Variants in EXOC1 observed in about 807,000 individuals in gnomAD.
EXOC1 encodes SEC3-like 1.
EXOC1 carries 67 observed loss-of-function variants against 107.7 expected under a neutral mutation model. The ratio of observed to expected loss-of-function variants is 0.62; its 90% CI spans 0.51 to 0.76. The LOEUF (loss-of-function observed/expected upper bound fraction) is 0.76, where lower values mean the gene tolerates loss of function less well. Ranked by LOEUF, EXOC1 falls within the 30% of genes least tolerant of loss-of-function variation. The probability of loss-of-function intolerance (pLI) is 0.00; values close to 1 mark genes in which losing one functional copy is unlikely to be tolerated. For synonymous variants in EXOC1, 348 were observed against 353.5 expected (o/e 0.98, Z 0.17); for missense variants, 833 against 1,055.7 (o/e 0.79, Z 2.92).
chr4:55,892,387 G>A (rs1173225502), intron 13 of EXOC1, among the ~76,000 whole-genome samples: 2 of 151,860 alleles, frequency 1.3e-5, no homozygotes, highest in East Asian at 3.9e-4. Context: ...TTCCCCTCAG[G>A]TGCACACACA....
chr4:55,877,509 A>G (rs1342050124), intron 8 of EXOC1: 1 of 984,868 alleles, frequency 1.0e-6, no homozygotes, highest in Admixed American at 6.1e-5. Flanking sequence ...TAATGGGAAT[A>G]CCATAAATGT....
At chr4:55,885,607 G>A (rs1236079348) in intron 10 of EXOC1, 1 of 152,126 alleles carries the variant, frequency 6.6e-6, no homozygotes, top group Non-Finnish European at 1.5e-5. Context: ...GCTCACTTTA[G>A]CAGCACATAT....
intron 15 of EXOC1, among the ~76,000 whole-genome samples, chr4:55,895,177 C>T (rs1725059952): frequency 6.6e-6 from 1 of 152,152 alleles, no homozygotes; most frequent in African/African-American, 2.4e-5. Flanking sequence ...TCTTATCTCT[C>T]ATTTATGAAC....
At chr4:55,881,312 C>T (rs968910202) in intron 9 of EXOC1, among the ~76,000 whole-genome samples, 1 of 152,136 alleles carries the variant, frequency 6.6e-6, no homozygotes, top group Non-Finnish European at 1.5e-5. Flanking sequence ...CTCCTAATAG[C>T]CTCCTGAGAT....
Position 55,888,909 on chromosome 4 carries a change from G to A in EXOC1, c.1352G>A (p.Ser451Asn), listed in dbSNP as rs914370302. 7 of 1,613,554 alleles carry A rather than the reference G, an allele frequency of 4.3e-6. No individual in the cohort carries two copies. In the African/African-American group the frequency reaches 9.3e-5, roughly 22 times the overall value. ...ACAGCTACACTGCCTCGAAAAGAAA[G>A]TGCTGTCAAACAGGAAACAGAGAGT... ...KKFATLPRKE[S>N]AVKQETESLH... The change falls in exon 11 of 19, where the codon AGT becomes AAT. Residue 451 changes from serine to asparagine, a missense_variant. Coordinates refer to ENST00000381295, the MANE Select transcript of EXOC1 (RefSeq NM_001024924.2).
chr4:55,892,792 A>G (rs1302877358), intron 14 of EXOC1, 81 bp downstream of exon 14: 23 of 1,353,646 alleles, frequency 1.7e-5, no homozygotes, highest in Non-Finnish European at 2.3e-5. Flanking sequence ...AGGGGTCTAG[A>G]TGTTTCTCAG....
intron 3 of EXOC1, 60 bp from the exon 4 acceptor site, chr4:55,864,167 A>T: frequency 8.7e-7 from 1 of 1,152,846 alleles, no homozygotes; most frequent in Non-Finnish European, 1.2e-6. Flanking sequence ...TGCAGATTTT[A>T]CATTAACAAT....
chr4:55,888,821 G>A, intron 10 of EXOC1, 67 bp from the exon 11 acceptor site: 3 of 1,519,426 alleles, frequency 2.0e-6, no homozygotes, highest in Non-Finnish European at 2.7e-6. Flanking sequence ...TCTTGTGCAT[G>A]GTTTGTGCAA....
intron 10 of EXOC1, among the ~76,000 whole-genome samples, chr4:55,884,582 T>C (rs1723695814): frequency 6.6e-6 from 1 of 152,210 alleles, no homozygotes; most frequent in Non-Finnish European, 1.5e-5. Context: ...TATCAAGTTA[T>C]GAGGAAGGTG....
intron 8 of EXOC1, chr4:55,875,534 G>A (rs2110343750): frequency 1.0e-6 from 1 of 978,354 alleles, no homozygotes; most frequent in East Asian, 1.1e-4. Context: ...TCAAAATCCT[G>A]ACTCTCCTAC....
intron 8 of EXOC1, chr4:55,875,551 G>T (rs1459396460): frequency 1.0e-6 from 1 of 981,830 alleles, no homozygotes; most frequent in African/African-American, 1.8e-5. Flanking sequence ...CTACCTCCTA[G>T]CTGGGTTACC....
chr4:55,860,232 C>A (rs998757533), intron 2 of EXOC1, among the ~76,000 whole-genome samples, 179 bp from the exon 3 acceptor site: 6 of 152,152 alleles, frequency 3.9e-5, no homozygotes, highest in African/African-American at 1.4e-4. Flanking sequence ...ATCTTCTAGT[C>A]TGACTTAGAT....
At chr4:55,875,550 A>G (rs1722818774) in intron 8 of EXOC1, 1 of 981,272 alleles carries the variant, frequency 1.0e-6, no homozygotes. Flanking sequence ...CCTACCTCCT[A>G]GCTGGGTTAC....
intron 3 of EXOC1, among the ~76,000 whole-genome samples, chr4:55,861,095 A>G (rs1022509504): frequency 6.6e-6 from 1 of 152,216 alleles, no homozygotes; most frequent in Non-Finnish European, 1.5e-5. Context: ...TTAATGTGAT[A>G]ATCACATTAA....
In EXOC1 at chr4:55,876,598, C is replaced by T. The variant is rs867826781; in HGVS notation, c.1075-1319C>T. The T allele has an allele frequency of 5.1e-6, 5 of 985,100 alleles. No homozygotes were observed. In the African/African-American group the frequency reaches 8.7e-5, roughly 17 times the overall value. 61.0% of individuals were successfully genotyped at this position (985,100 alleles called of 1,614,324 possible). ...AGGGATTATGGACCTATTAATATAC[C>T]TTGTGTATAACATCTGTGGTAGCTG... On this transcript the variant is annotated intron_variant, in intron 8 of 18. Transcript: ENST00000381295.
At chr4:55,871,804 T>C in intron 7 of EXOC1, 45 bp from the exon 8 acceptor site, 1 of 1,546,380 alleles carries the variant, frequency 6.5e-7, no homozygotes, top group Non-Finnish European at 8.9e-7. Flanking sequence ...ATCAAGGAAA[T>C]CTTTTTACCC....
intron 9 of EXOC1, among the ~76,000 whole-genome samples, chr4:55,880,204 A>T (rs1723267057): frequency 6.6e-6 from 1 of 152,064 alleles, no homozygotes; most frequent in African/African-American, 2.4e-5. Context: ...GCCCATTTAA[A>T]GTAAAATCTG....
chr4:55,878,043 G>A lies in EXOC1; in HGVS notation c.1201G>A (p.Gly401Arg), dbSNP rs761954811. The A allele has an allele frequency of 2.5e-6, 4 of 1,613,268 alleles. No homozygotes were observed. The South Asian group carries it at 3.3e-5, about 13-fold the overall frequency. The change falls in exon 9 of 19, where the codon GGA becomes AGA. Residue 401 changes from glycine to arginine, a missense_variant. By Grantham distance (125) the Gly-to-Arg change is moderately radical. Around this residue, in one of 2 missense-constraint regions of EXOC1, gnomAD observed 617 missense variants for 701.3 expected, o/e 0.88. Transcript: ENST00000381295. ...GGAGTGGCTAAAGAGTACAGATTAT[G>A]GAAAATATGAAGGACTAACAAAGGT... ...LMEWLKSTDY[G>R]KYEGLTKNYM...
intron 5 of EXOC1, among the ~76,000 whole-genome samples, chr4:55,869,164 G>A (rs1360660117): frequency 4.0e-5 from 6 of 151,860 alleles, no homozygotes; most frequent in East Asian, 1.9e-4. Flanking sequence ...TCAGGAATTC[G>A]AGACGAGCCT....
Sources: allele counts gnomAD v4.1 joint callset (sites outside exome capture counted in the v4.1 genomes callset), GRCh38; gene constraint gnomAD v4.1.1; regional missense constraint gnomAD v4.1.1; transcripts MANE v1.5; gene names NCBI Gene and HGNC (gene_info 2026-07-23, HGNC 2026-07-21).